Variants in PCLO observed in about 807,000 individuals in gnomAD.
The protein encoded by PCLO is protein piccolo.
In PCLO, 82 loss-of-function variants were observed where a neutral mutation model predicts 427.5. The ratio of observed to expected loss-of-function variants is 0.19; its 90% CI spans 0.16 to 0.23. PCLO has a LOEUF of 0.23. Among genes scored for constraint, PCLO ranks in the 10% least tolerant of loss-of-function variants. The probability of loss-of-function intolerance (pLI) is 1.00; values close to 1 mark genes in which losing one functional copy is unlikely to be tolerated. For synonymous variants in PCLO, 2,357 were observed against 2,155.4 expected, an observed-to-expected ratio of 1.09 and a Z score of -2.59; for missense variants, 6,239 against 6,115.9, an observed-to-expected ratio of 1.02 and a Z score of -0.67.
At chr7:82,794,151 CCTT>C (rs1791164903) in intron 22 of PCLO, among the ~76,000 whole-genome samples, 1 of 151,956 alleles carries the variant, frequency 6.6e-6, no homozygotes, top group Non-Finnish European at 1.5e-5. Context: ...TCTGGAGAAA[CCTT>C]TAGCATCTTC....
At chr7:83,117,841 T>C (rs1039622935) in intron 3 of PCLO, among the ~76,000 whole-genome samples, 5 of 152,186 alleles carry the variant, frequency 3.3e-5, no homozygotes, top group African/African-American at 4.8e-5. Flanking sequence ...TGAAGTTGGG[T>C]AAAGTCAAAT....
At chr7:83,034,510 C>A (rs1441573256) in intron 3 of PCLO, among the ~76,000 whole-genome samples, 6 of 152,122 alleles carry the variant, frequency 3.9e-5, no homozygotes, top group Non-Finnish European at 8.8e-5. Context: ...CTATAAAATA[C>A]TTTTGCGGAA....
At chr7:83,052,573 T>C (rs1273149721) in intron 3 of PCLO, among the ~76,000 whole-genome samples, 1 of 152,026 alleles carries the variant, frequency 6.6e-6, no homozygotes, top group Non-Finnish European at 1.5e-5. Flanking sequence ...AATTATTTTA[T>C]TCCAAACTCA....
At chr7:82,874,586 C>T (rs907024140) in intron 10 of PCLO, among the ~76,000 whole-genome samples, 34 of 152,142 alleles carry the variant, frequency 2.2e-4, no homozygotes, top group African/African-American at 8.2e-4. Flanking sequence ...AAATTCAAAA[C>T]TTCCTAAAAT....
intron 8 of PCLO, 71 bp downstream of exon 8, chr7:82,908,806 T>G: frequency 3.0e-6 from 4 of 1,314,122 alleles, no homozygotes; most frequent in Non-Finnish European, 4.3e-6. Context: ...TTAGGACAAT[T>G]AAGACCATTC....
intron 9 of PCLO, among the ~76,000 whole-genome samples, chr7:82,892,258 T>A (rs528101614): frequency 1.3e-5 from 2 of 152,164 alleles, no homozygotes; most frequent in East Asian, 3.9e-4. Context: ...GACAGAGCCC[T>A]CAGAAATAAT....
Position 82,839,544 on chromosome 7 carries a change from A to C in PCLO, c.14098-1202T>G, listed in dbSNP as rs1282906359. On this transcript the variant is annotated intron_variant, in intron 14 of 24. Transcript: ENST00000333891. The stretch of plus-strand genomic sequence containing the variant: ...ATGCTATAATCTGGTACTGAAATAC[A>C]GAATATAAAATAACCTGTAATTAAT... Among the ~76,000 whole-genome samples, 4 of 152,114 alleles carry C rather than the reference A, an allele frequency of 2.6e-5. No individual in the cohort carries two copies. In the East Asian group the frequency reaches 7.7e-4, roughly 29 times the overall value.
intron 6 of PCLO, among the ~76,000 whole-genome samples, chr7:82,931,694 ATGCAAGCAAGATGGCAAGAAAAACAG>A (rs1031312928): frequency 1.3e-5 from 2 of 152,126 alleles, no homozygotes; most frequent in African/African-American, 4.8e-5. Context: ...TTATCAAAGC[ATGCAAGCAAGATGGCAAGAAAAACAG>A]TGCAAGCAAG....
At chr7:83,103,393 G>A in intron 3 of PCLO, among the ~76,000 whole-genome samples, 1 of 151,844 alleles carries the variant, frequency 6.6e-6, no homozygotes, top group East Asian at 1.9e-4. Flanking sequence ...TAAGAAGCAT[G>A]ATATAAAATT....
At chr7:82,919,170 G>A (rs1380509763) in intron 6 of PCLO, among the ~76,000 whole-genome samples, 1 of 151,912 alleles carries the variant, frequency 6.6e-6, no homozygotes, top group Non-Finnish European at 1.5e-5. Flanking sequence ...AAACCACCAT[G>A]GCACGTGTAT....
chr7:83,067,078 G>C (rs1040743906), intron 3 of PCLO, among the ~76,000 whole-genome samples: 7 of 152,224 alleles, frequency 4.6e-5, no homozygotes, highest in Middle Eastern at 3.4e-3. Flanking sequence ...TCTGTATAAG[G>C]TATATATGAA....
chr7:82,776,237 C>A (rs960850951), intron 22 of PCLO, among the ~76,000 whole-genome samples: 4 of 152,124 alleles, frequency 2.6e-5, no homozygotes, highest in African/African-American at 9.7e-5. Context: ...TAGTGGGCAT[C>A]CTTGTTGAGC....
At position 82,813,929 on chromosome 7, in the gene PCLO, T is replaced by G. The variant is rs17284837; in HGVS notation, c.14792-8100A>C. ...AAAGTGATAATCTTCAGTTTTTCTA[T>G]TGTTATGCCAATACAATTAATTTCC... On this transcript the variant is annotated intron_variant, in intron 20 of 24. Transcript: ENST00000333891. Among the ~76,000 whole-genome samples the G allele has an allele frequency of 8.1e-3, 1,227 of 151,960 alleles. 12 individuals are homozygous for G. Among genetic ancestry groups the G allele is most frequent in the Non-Finnish European group, 0.012 (790 of 67,792 alleles).
Position 83,152,831 on chromosome 7 carries a change from T to C in PCLO, c.1893+1917A>G, listed in dbSNP as rs555791795. 9.8e-5 allele frequency among the ~76,000 whole-genome samples: 15 copies of C among 152,380 alleles called. No homozygotes were observed. In the East Asian group the frequency reaches 2.5e-3, roughly 25 times the overall value. ...ATCTGGTCACATATATTATATTTTC[T>C]TGTGCATGTATTATCTCGTGATTTT... On this transcript the variant is annotated intron_variant, in intron 2 of 24. Transcript: ENST00000333891.
chr7:82,819,079 G>T (rs1791736497), intron 20 of PCLO, among the ~76,000 whole-genome samples: 1 of 152,066 alleles, frequency 6.6e-6, no homozygotes, highest in South Asian at 2.1e-4. Flanking sequence ...TAACACTATA[G>T]TATGTTTGCC....
chr7:83,054,414 A>G (rs556272428), intron 3 of PCLO, among the ~76,000 whole-genome samples: 3 of 152,138 alleles, frequency 2.0e-5, no homozygotes, highest in Non-Finnish European at 4.4e-5. Flanking sequence ...TGCCAAATAT[A>G]TTTAATTTTT....
intron 10 of PCLO, among the ~76,000 whole-genome samples, chr7:82,854,292 C>T (rs954518770): frequency 2.0e-5 from 3 of 152,040 alleles, no homozygotes; most frequent in Non-Finnish European, 4.4e-5. Context: ...AATCTGCAGT[C>T]TGAATCTAAA....
At chr7:82,806,490 C>A (rs1403003574) in intron 20 of PCLO, among the ~76,000 whole-genome samples, 1 of 152,100 alleles carries the variant, frequency 6.6e-6, no homozygotes, top group Non-Finnish European at 1.5e-5. Flanking sequence ...TATTCCCATA[C>A]AGACATTACA....
chr7:83,078,714 T>C (rs2116387863), intron 3 of PCLO, among the ~76,000 whole-genome samples: 1 of 152,062 alleles, frequency 6.6e-6, no homozygotes, highest in Non-Finnish European at 1.5e-5. Flanking sequence ...CGTATTTTAG[T>C]AGAGACGGGG....
Sources: gnomAD v4.1 joint callset for allele counts (sites outside exome capture counted in the v4.1 genomes callset) on GRCh38, gnomAD v4.1.1 for gene constraint, MANE v1.5 for transcripts, NCBI Gene and HGNC (gene_info 2026-07-23, HGNC 2026-07-21) for gene names.